Variants in OSBPL10 observed in about 807,000 individuals in gnomAD.
The protein encoded by OSBPL10 is oxysterol-binding protein-related protein 10.
A neutral mutation model predicts 81.7 loss-of-function variants in OSBPL10; 49 were observed. The ratio of observed to expected loss-of-function variants is 0.60; its 90% CI spans 0.48 to 0.76. The LOEUF is 0.76. OSBPL10 is among the 30% of genes least tolerant of loss of function. OSBPL10 has a pLI of 0.00. For synonymous variants in OSBPL10, 419 were observed against 383.6 expected (o/e 1.09, Z -1.08); for missense variants, 923 against 987.8 (o/e 0.93, Z 0.88).
At chr3:31,852,308 C>T (rs1700789754) in intron 3 of OSBPL10, among the ~76,000 whole-genome samples, 1 of 151,986 alleles carries the variant, frequency 6.6e-6, no homozygotes, top group Non-Finnish European at 1.5e-5. Flanking sequence ...GGCAGGGGGT[C>T]GGGGGGAAGG....
chr3:31,908,030 A>G (rs1377640116), intron 1 of OSBPL10, among the ~76,000 whole-genome samples: 1 of 152,154 alleles, frequency 6.6e-6, no homozygotes, highest in Admixed American at 6.6e-5. Context: ...GGTGACTCTG[A>G]GCAAAGACTG....
At chr3:31,757,870 T>G (rs1697932523) in intron 4 of OSBPL10, among the ~76,000 whole-genome samples, 1 of 152,204 alleles carries the variant, frequency 6.6e-6, no homozygotes, top group Non-Finnish European at 1.5e-5. Context: ...TATGCCTCCC[T>G]AAAATATGCC....
chr3:31,733,000 A>C (rs1330342060), intron 6 of OSBPL10: 1 of 520,492 alleles, frequency 1.9e-6, no homozygotes, highest in Non-Finnish European at 3.3e-6. Context: ...CTTGAAGTTA[A>C]AGTGACTCCC....
rs536589263 is a variant in OSBPL10, at chr3:32,028,285, G to A, written n.298+18206C>T. Among the ~76,000 whole-genome samples the A allele has an allele frequency of 2.0e-5, 3 of 152,254 alleles. No homozygotes were observed. In the East Asian group the frequency reaches 5.8e-4, roughly 29 times the overall value. On this transcript the variant is annotated intron_variant and non_coding_transcript_variant, in intron 2 of 3. Coordinates refer to the OSBPL10 transcript ENST00000479173. Reference sequence around the variant, plus strand: ...AATGTCTGAGAACCACTATACTAAGGAACTCAAACATAAAAGGCCAAATCA... The same window carrying A: ...AATGTCTGAGAACCACTATACTAAGAAACTCAAACATAAAAGGCCAAATCA...
In OSBPL10 at chr3:31,744,567, AAAG is replaced by A. The variant is rs1478551864; in HGVS notation, c.940+3340_940+3342del. 1.7e-3 allele frequency among the ~76,000 whole-genome samples: 254 copies of A among 151,234 alleles called. 1 individual carries two copies. Among genetic ancestry groups the A allele is most frequent in the African/African-American group, 4.8e-3 (198 of 41,266 alleles). On this transcript the variant is annotated intron_variant, in intron 5 of 11. Coordinates refer to ENST00000396556, the MANE Select transcript of OSBPL10 (RefSeq NM_017784.5). ...AAAAAAAAAAGGAAAGAAAGAAAGA[AAAG>A]AAGGAGAGTGGGCAAGTGACAGTCA...
intron 1 of OSBPL10, among the ~76,000 whole-genome samples, chr3:31,946,047 C>A (rs904876369): frequency 2.0e-5 from 3 of 151,810 alleles, no homozygotes; most frequent in South Asian, 2.1e-4. Context: ...ATGGCATGAT[C>A]TCGGCTTACT....
chr3:32,037,515 C>T (rs552848284), intron 2 of OSBPL10: 37 of 189,324 alleles, frequency 2.0e-4, no homozygotes, highest in African/African-American at 7.8e-4. Flanking sequence ...ATTTTTTTAA[C>T]GAGAAAAGAT....
At chr3:31,969,854 C>CA (rs1390335686) in intron 1 of OSBPL10, among the ~76,000 whole-genome samples, 23 of 93,702 alleles carry the variant, frequency 2.5e-4, no homozygotes, top group African/African-American at 7.5e-4. Context: ...GACTCCGTCT[C>CA]AAAAAAACAA....
At chr3:31,905,368 T>TTTTTTTTTTTTTTTTTTTTTTA (rs869077578) in intron 1 of OSBPL10, among the ~76,000 whole-genome samples, 2 of 148,190 alleles carry the variant, frequency 1.3e-5, no homozygotes, top group African/African-American at 2.5e-5. Flanking sequence ...TTTTTTTTTT[T>TTTTTTTTTTTTTTTTTTTTTTA]AGACGGACTC....
At chr3:31,845,332 T>C (rs950485252) in intron 3 of OSBPL10, among the ~76,000 whole-genome samples, 1 of 152,034 alleles carries the variant, frequency 6.6e-6, no homozygotes, top group South Asian at 2.1e-4. Flanking sequence ...GGCAGAACTG[T>C]ATACCCAGGG....
intron 1 of OSBPL10, among the ~76,000 whole-genome samples, chr3:31,909,426 A>G (rs1479133192): frequency 2.0e-5 from 3 of 152,180 alleles, no homozygotes; most frequent in Non-Finnish European, 2.9e-5. Context: ...GGGAGCTGGC[A>G]TAACGGAAAA....
At chr3:31,894,834 A>G (rs1696005709) in intron 1 of OSBPL10, among the ~76,000 whole-genome samples, 7 of 152,204 alleles carry the variant, frequency 4.6e-5, no homozygotes, top group Admixed American at 4.6e-4. Flanking sequence ...CGGACACAAC[A>G]TGCTATGCCG....
rs184678469 is a variant in OSBPL10, at chr3:31,857,182, C to T, written c.537+19251G>A. Among the ~76,000 whole-genome samples, 5 of 152,330 alleles carry T rather than the reference C, an allele frequency of 3.3e-5. 1 individual carries two copies. In the East Asian group the frequency reaches 9.6e-4, roughly 29 times the overall value. ...CAAGACAGGAGCTAGCTCTGCTAAT[C>T]AGCCAACCACCCCAGCACCGGAGGG... On this transcript the variant is annotated intron_variant, in intron 3 of 11. Coordinates refer to ENST00000396556, the MANE Select transcript of OSBPL10 (RefSeq NM_017784.5).
intron 3 of OSBPL10, among the ~76,000 whole-genome samples, chr3:31,844,954 C>A (rs905373955): frequency 2.0e-5 from 3 of 152,134 alleles, no homozygotes; most frequent in Non-Finnish European, 2.9e-5. Flanking sequence ...AGGTTGTGCA[C>A]ACCTGCAACC....
At position 31,998,998 on chromosome 3, in the gene OSBPL10, T is replaced by A. The variant is rs1293392545; in HGVS notation, n.298+47493A>T. On this transcript the variant is annotated intron_variant and non_coding_transcript_variant, in intron 2 of 3. Transcript: ENST00000479173. ...TAAGAAAACACAAGGTCGAAGAAGATGTGTAAAAGAGAAAAAAGGAGGGAC... is the reference window on the plus strand; with the variant it reads ...TAAGAAAACACAAGGTCGAAGAAGAAGTGTAAAAGAGAAAAAAGGAGGGAC... Among the ~76,000 whole-genome samples the A allele has an allele frequency of 2.0e-5, 3 of 152,342 alleles. No homozygotes were observed. In the East Asian group the frequency reaches 5.8e-4, roughly 29 times the overall value.
intron 1 of OSBPL10, among the ~76,000 whole-genome samples, chr3:31,912,271 G>C (rs1029514492): frequency 2.0e-5 from 3 of 151,918 alleles, no homozygotes; most frequent in African/African-American, 7.3e-5. Flanking sequence ...GTGGATGCCT[G>C]TAATCCCAGC....
intron 1 of OSBPL10, chr3:31,919,593 G>C (rs1696854720): frequency 6.6e-6 from 1 of 152,156 alleles, no homozygotes; most frequent in Non-Finnish European, 1.5e-5. Context: ...ATCCCAACCG[G>C]CTATCTCATC....
chr3:31,802,813 T>C (rs1699418544), intron 4 of OSBPL10, among the ~76,000 whole-genome samples: 1 of 152,028 alleles, frequency 6.6e-6, no homozygotes, highest in South Asian at 2.1e-4. Flanking sequence ...TCCCACTACT[T>C]GGAAAAAGGT....
At chr3:32,056,189 T>C (rs1412691534) in intron 1 of OSBPL10, among the ~76,000 whole-genome samples, 6 of 152,222 alleles carry the variant, frequency 3.9e-5, no homozygotes, top group Admixed American at 3.9e-4. Flanking sequence ...TAGATTCCGG[T>C]CTTATCAGTT....
Sources: allele counts gnomAD v4.1 joint callset (sites outside exome capture counted in the v4.1 genomes callset), GRCh38; gene constraint gnomAD v4.1.1; transcripts MANE v1.5; gene names NCBI Gene and HGNC (gene_info 2026-07-23, HGNC 2026-07-21).